Variants in RNGTT observed in about 807,000 individuals in gnomAD.
RNGTT encodes the protein mRNA-capping enzyme.
Under a neutral mutation model 79.3 loss-of-function variants are expected in RNGTT, and 33 were observed. That is an observed-to-expected ratio of 0.42 (90% CI 0.32 to 0.56). The LOEUF is 0.56. Among genes scored for constraint, RNGTT ranks in the 20% least tolerant of loss-of-function variants. The pLI is 0.17. For missense variants in RNGTT, 497 were observed against 739.1 expected, an observed-to-expected ratio of 0.67 and a Z score of 3.80; for synonymous variants, 222 against 235.9, an observed-to-expected ratio of 0.94 and a Z score of 0.54.
intron 12 of RNGTT, among the ~76,000 whole-genome samples, chr6:88,788,934 A>C (rs962588738): frequency 6.6e-5 from 10 of 152,222 alleles, no homozygotes; most frequent in Non-Finnish European, 1.3e-4. Context: ...TTCTTATAAA[A>C]GTAATAAGTA....
At chr6:88,935,691 C>T (rs1562055086) in intron 2 of RNGTT, among the ~76,000 whole-genome samples, 1 of 152,104 alleles carries the variant, frequency 6.6e-6, no homozygotes, top group East Asian at 1.9e-4. Flanking sequence ...TTAATTATTC[C>T]AATCCATGGG....
chr6:88,633,677 A>G (rs1772991094), intron 14 of RNGTT, among the ~76,000 whole-genome samples: 1 of 152,176 alleles, frequency 6.6e-6, no homozygotes, highest in Non-Finnish European at 1.5e-5. Context: ...TTCTGCATAT[A>G]TATATTAATA....
intron 8 of RNGTT, among the ~76,000 whole-genome samples, chr6:88,881,018 T>A (rs1276703893): frequency 6.6e-6 from 1 of 152,170 alleles, no homozygotes; most frequent in Non-Finnish European, 1.5e-5. Flanking sequence ...TTCCTGGTAT[T>A]ATATTTACAC....
At position 88,671,386 on chromosome 6, in the gene RNGTT, T is replaced by C. The variant is rs141863323; in HGVS notation, c.1506+6967A>G. On this transcript the variant is annotated intron_variant, in intron 14 of 15. Transcript: ENST00000369485. ...AAATAAAATAAAATACTTAGGAATA[T>C]ACCTAACAAAGGAGGTGAAAGACCT... Among the ~76,000 whole-genome samples, 804 of 152,236 alleles carry C rather than the reference T, an allele frequency of 5.3e-3. 9 individuals carry two copies. Among genetic ancestry groups the C allele is most frequent in the Non-Finnish European group, 8.2e-3 (559 of 67,994 alleles).
intron 6 of RNGTT, among the ~76,000 whole-genome samples, chr6:88,904,095 A>C (rs2127942159): frequency 6.6e-6 from 1 of 152,348 alleles, no homozygotes; most frequent in Admixed American, 6.5e-5. Flanking sequence ...AGCATTAGTA[A>C]AAATATTCAC....
At chr6:88,852,860 T>C (rs558417750) in intron 9 of RNGTT, among the ~76,000 whole-genome samples, 1 of 152,340 alleles carries the variant, frequency 6.6e-6, no homozygotes, top group Admixed American at 6.5e-5. Flanking sequence ...ACAGTCAAGA[T>C]AGTTTGGAAA....
intron 1 of RNGTT, among the ~76,000 whole-genome samples, chr6:88,961,964 C>T (rs76201065): frequency 6.6e-6 from 1 of 152,134 alleles, no homozygotes; most frequent in East Asian, 1.9e-4. Context: ...AACTACTACT[C>T]TGCAATAAAA....
At chr6:88,727,004 G>C (rs1776933549) in intron 13 of RNGTT, among the ~76,000 whole-genome samples, 1 of 108,512 alleles carries the variant, frequency 9.2e-6, no homozygotes, top group African/African-American at 3.7e-5. Flanking sequence ...AAAAGGGGTG[G>C]GGGGGGAGAA....
chr6:88,917,840 T>C (rs1222994164), intron 4 of RNGTT, among the ~76,000 whole-genome samples: 1 of 151,966 alleles, frequency 6.6e-6, no homozygotes, highest in Non-Finnish European at 1.5e-5. Flanking sequence ...TGAGCTGAGA[T>C]CATGCCACTG....
intron 4 of RNGTT, among the ~76,000 whole-genome samples, chr6:88,910,673 T>A (rs1278184386): frequency 6.6e-6 from 1 of 152,058 alleles, no homozygotes; most frequent in Non-Finnish European, 1.5e-5. Context: ...AAAACGACCA[T>A]CATCAAGGCA....
chr6:88,643,943 C>T (rs1773426366), intron 14 of RNGTT, among the ~76,000 whole-genome samples: 1 of 152,068 alleles, frequency 6.6e-6, no homozygotes, highest in Non-Finnish European at 1.5e-5. Flanking sequence ...ATTAAAAGAA[C>T]TAGAGAAGCA....
chr6:88,723,756 G>A (rs1262542922), intron 13 of RNGTT, among the ~76,000 whole-genome samples: 1 of 151,920 alleles, frequency 6.6e-6, no homozygotes, highest in South Asian at 2.1e-4. Context: ...GCAGAGTCTC[G>A]CTCTGTCACC....
chr6:88,911,903 T>C (rs1310849116), intron 4 of RNGTT, among the ~76,000 whole-genome samples: 1 of 149,138 alleles, frequency 6.7e-6, no homozygotes, highest in Non-Finnish European at 1.5e-5. Context: ...CTGGGCAACA[T>C]AGCAAGACTC....
intron 14 of RNGTT, among the ~76,000 whole-genome samples, chr6:88,620,824 G>C (rs1348189851): frequency 1.3e-5 from 2 of 152,152 alleles, no homozygotes; most frequent in South Asian, 2.1e-4. Flanking sequence ...CGAGTTCACA[G>C]TTTTAATACA....
At chr6:88,923,699 G>GCAACATTAC (rs1159021490) in intron 4 of RNGTT, among the ~76,000 whole-genome samples, 1 of 152,074 alleles carries the variant, frequency 6.6e-6, no homozygotes, top group East Asian at 1.9e-4. Flanking sequence ...AATGTTAGGT[G>GCAACATTAC]CAACATTACT....
intron 14 of RNGTT, among the ~76,000 whole-genome samples, chr6:88,660,692 G>A (rs908438634): frequency 1.3e-5 from 2 of 152,122 alleles, no homozygotes; most frequent in Non-Finnish European, 1.5e-5. Flanking sequence ...CCTAAGAAAC[G>A]AGATAGATGG....
Position 88,844,370 on chromosome 6 carries a change from C to T in RNGTT, c.1256G>A (p.Cys419Tyr), listed in dbSNP as rs2127900822. ...SVRNKPFFDI[C>Y]TSRKLLEGNF... ...ATTAAACTTTACCTTTCTTGAAGTA[C>T]AGATGTCAAAAAACGGCTTATTTCT... Residue 419 changes from cysteine (C) to tyrosine (Y), a missense_variant, in exon 11 of 16, where the codon TGT (cysteine) becomes TAT (tyrosine). Coordinates refer to ENST00000369485, the MANE Select transcript of RNGTT (RefSeq NM_003800.5). 1 of 1,612,494 alleles carries T rather than the reference C, an allele frequency of 6.2e-7. No homozygotes were observed. The highest frequency in any genetic ancestry group is 8.5e-7 in the Non-Finnish European group (1 of 1,179,610).
At chr6:88,790,607 T>G (rs923603013) in intron 12 of RNGTT, among the ~76,000 whole-genome samples, 1 of 151,942 alleles carries the variant, frequency 6.6e-6, no homozygotes, top group South Asian at 2.1e-4. Flanking sequence ...GTTATAAAAT[T>G]TGTATATCCT....
At chr6:88,635,867 T>C (rs1448666173) in intron 14 of RNGTT, among the ~76,000 whole-genome samples, 1 of 151,950 alleles carries the variant, frequency 6.6e-6, no homozygotes, top group Non-Finnish European at 1.5e-5. Flanking sequence ...AGATCAAACT[T>C]GTAAAAATGA....
Sources: gnomAD v4.1 joint callset for allele counts (sites outside exome capture counted in the v4.1 genomes callset) on GRCh38, gnomAD v4.1.1 for gene constraint, MANE v1.5 for transcripts, NCBI Gene and HGNC (gene_info 2026-07-23, HGNC 2026-07-21) for gene names.